Variants in ANTXR1 observed in about 807,000 individuals in gnomAD.
ANTXR1 encodes the protein ANTXR cell adhesion molecule 1.
In ANTXR1, 19 loss-of-function variants were observed where a neutral mutation model predicts 78.1. The observed-to-expected ratio is 0.24, with a 90% CI of 0.17 to 0.36. ANTXR1 has a LOEUF of 0.36. Among genes scored for constraint, ANTXR1 ranks in the 10% least tolerant of loss-of-function variants. The probability of loss-of-function intolerance (pLI) is 1.00; values close to 1 mark genes in which losing one functional copy is unlikely to be tolerated. For synonymous variants in ANTXR1, 273 were observed against 260.5 expected, an observed-to-expected ratio of 1.05 and a Z score of -0.46; for missense variants, 518 against 718.6, an observed-to-expected ratio of 0.72 and a Z score of 3.19.
At chr2:69,170,141 G>T in intron 13 of ANTXR1, 107 bp from the exon 14 acceptor site, 1 of 1,258,056 alleles carries the variant, frequency 7.9e-7, no homozygotes. Context: ...TGGGGCCATT[G>T]CCATGGTAAT....
intron 3 of ANTXR1, among the ~76,000 whole-genome samples, chr2:69,067,675 CACAA>C (rs1670441258): frequency 6.6e-6 from 1 of 152,120 alleles, no homozygotes; most frequent in Admixed American, 6.5e-5. Context: ...TCTGTGTGCT[CACAA>C]ACAGACCCCA....
intron 14 of ANTXR1, 60 bp from the exon 15 acceptor site, chr2:69,181,726 T>A: frequency 6.7e-7 from 1 of 1,497,172 alleles, no homozygotes; most frequent in South Asian, 1.1e-5. Context: ...TTGGCTGTAG[T>A]AGGCAGGTCC....
chr2:69,081,522 G>A lies in ANTXR1; in HGVS notation c.642+4034G>A, dbSNP rs180964426. Among the ~76,000 whole-genome samples the A allele has an allele frequency of 1.5e-3, 229 of 152,334 alleles. 3 individuals are homozygous for A. The South Asian group carries it at 0.026, about 17-fold the overall frequency. ...CTTAACTGAGAGGGATAGGAAAAGG[G>A]CAGAAGGAAATTAACAGCTGTAGAG... On this transcript the variant is annotated intron_variant, in intron 8 of 17. Coordinates refer to ENST00000303714, the MANE Select transcript of ANTXR1 (RefSeq NM_032208.3).
At chr2:69,029,296 A>AAT (rs141547078) in intron 1 of ANTXR1, among the ~76,000 whole-genome samples, 166 of 148,172 alleles carry the variant, frequency 1.1e-3, no homozygotes, top group Middle Eastern at 3.6e-3. Context: ...TCTAATATCT[A>AAT]ATATATATAT....
At chr2:69,125,206 T>C (rs781565928) in intron 12 of ANTXR1, among the ~76,000 whole-genome samples, 8 of 152,206 alleles carry the variant, frequency 5.3e-5, no homozygotes, top group Non-Finnish European at 1.0e-4. Flanking sequence ...GCCCTTACAA[T>C]AGGGATTGTG....
At chr2:69,099,789 C>G (rs1671551487) in intron 9 of ANTXR1, among the ~76,000 whole-genome samples, 1 of 152,190 alleles carries the variant, frequency 6.6e-6, no homozygotes, top group Non-Finnish European at 1.5e-5. Flanking sequence ...CTATCCTTCC[C>G]CTTTATTCTC....
intron 17 of ANTXR1, among the ~76,000 whole-genome samples, chr2:69,230,501 G>A (rs1232278735): frequency 6.6e-6 from 1 of 151,986 alleles, no homozygotes; most frequent in African/African-American, 2.4e-5. Context: ...CTATTTTGAT[G>A]GCACGGCTAC....
At chr2:69,186,233 G>T (rs1674412569) in intron 16 of ANTXR1, among the ~76,000 whole-genome samples, 1 of 152,222 alleles carries the variant, frequency 6.6e-6, no homozygotes. Context: ...GAGAAAAAGA[G>T]ATTGTTTTAG....
chr2:69,207,476 AAAAG>A (rs1399482152), intron 17 of ANTXR1, among the ~76,000 whole-genome samples: 2 of 152,212 alleles, frequency 1.3e-5, no homozygotes, highest in South Asian at 4.1e-4. Context: ...AAGAGAGAGA[AAAAG>A]AGAGAGATGC....
At chr2:69,035,064 C>G (rs1671641122) in intron 1 of ANTXR1, among the ~76,000 whole-genome samples, 1 of 152,024 alleles carries the variant, frequency 6.6e-6, no homozygotes, top group South Asian at 2.1e-4. Context: ...AGATCAGTTA[C>G]AAGGCCAAGT....
intron 13 of ANTXR1, among the ~76,000 whole-genome samples, chr2:69,153,430 G>C (rs1028897859): frequency 1.3e-5 from 2 of 152,170 alleles, no homozygotes; most frequent in African/African-American, 4.8e-5. Context: ...ATATGGCAGG[G>C]ACTTCTGGAA....
chr2:69,067,294 G>A (rs141392642), intron 3 of ANTXR1, among the ~76,000 whole-genome samples: 224 of 141,684 alleles, frequency 1.6e-3, no homozygotes, highest in African/African-American at 6.0e-3. Context: ...ACAGCCTTTG[G>A]TTGTTCTGGT....
intron 17 of ANTXR1, among the ~76,000 whole-genome samples, chr2:69,210,342 G>C (rs1675009787): frequency 1.3e-5 from 2 of 152,186 alleles, no homozygotes; most frequent in African/African-American, 4.8e-5. Flanking sequence ...CTAGCTGTTA[G>C]CGTCTTAATT....
intron 13 of ANTXR1, among the ~76,000 whole-genome samples, chr2:69,153,079 A>G (rs1673438995): frequency 1.3e-5 from 2 of 152,216 alleles, no homozygotes; most frequent in African/African-American, 2.4e-5. Context: ...CTGCCTTTCA[A>G]CAAATCAGTG....
At chr2:69,177,862 T>C (rs7597342) in intron 14 of ANTXR1, among the ~76,000 whole-genome samples, 12,183 of 152,244 alleles carry the variant, frequency 0.08, 1,648 homozygotes, top group African/African-American at 0.28. Flanking sequence ...TGTTCACTGG[T>C]AGCTCTGCCC....
At chr2:69,118,755 G>GA (rs1672240937) in intron 10 of ANTXR1, among the ~76,000 whole-genome samples, 1 of 152,212 alleles carries the variant, frequency 6.6e-6, no homozygotes, top group Non-Finnish European at 1.5e-5. Flanking sequence ...GGTGCAGCAA[G>GA]GAAGGCTTTG....
chr2:69,098,018 A>G (rs1325750806), intron 9 of ANTXR1, among the ~76,000 whole-genome samples: 3 of 152,258 alleles, frequency 2.0e-5, no homozygotes, highest in African/African-American at 7.2e-5. Flanking sequence ...TCCTATTTAC[A>G]TAAAATTCCA....
At chr2:69,083,283 T>A (rs918204220) in intron 8 of ANTXR1, among the ~76,000 whole-genome samples, 2 of 152,202 alleles carry the variant, frequency 1.3e-5, no homozygotes, top group Non-Finnish European at 2.9e-5. Context: ...ATTGAACTAA[T>A]CCCTTTTCCA....
intron 8 of ANTXR1, among the ~76,000 whole-genome samples, chr2:69,078,972 C>T (rs1670819764): frequency 6.6e-6 from 1 of 151,732 alleles, no homozygotes; most frequent in Non-Finnish European, 1.5e-5. Context: ...TTTTTAAGTG[C>T]CCCAGGTATG....
Sources: gnomAD v4.1 joint callset for allele counts (sites outside exome capture counted in the v4.1 genomes callset) on GRCh38, gnomAD v4.1.1 for gene constraint, MANE v1.5 for transcripts, NCBI Gene and HGNC (gene_info 2026-07-23, HGNC 2026-07-21) for gene names.